The following OLA1 variants were observed in gnomAD, a reference collection of about 807,000 sequenced individuals.
The protein encoded by OLA1 is obg-like ATPase 1.
OLA1 carries 14 observed loss-of-function variants against 48.4 expected under a neutral mutation model. That is an observed-to-expected ratio of 0.29 (90% CI 0.19 to 0.45). The LOEUF (loss-of-function observed/expected upper bound fraction) is 0.45. Among genes scored for constraint, OLA1 ranks in the 20% least tolerant of loss-of-function variants. OLA1 has a pLI of 1.00. For synonymous variants in OLA1, 127 were observed against 150.4 expected, an observed-to-expected ratio of 0.84 and a Z score of 1.14; for missense variants, 325 against 467.1, an observed-to-expected ratio of 0.70 and a Z score of 2.80.
chr2:174,219,251 G>A (rs1451269653), intron 4 of OLA1, among the ~76,000 whole-genome samples: 4 of 149,396 alleles, frequency 2.7e-5, no homozygotes, highest in Non-Finnish European at 4.4e-5. Flanking sequence ...AGACCAGCCC[G>A]GATAACATAG....
chr2:174,143,633 C>T (rs769875405), intron 4 of OLA1, among the ~76,000 whole-genome samples: 1 of 152,030 alleles, frequency 6.6e-6, no homozygotes. Flanking sequence ...TTTTAAATGG[C>T]AATTCTTAAT....
chr2:174,212,548 A>G (rs954519605), intron 4 of OLA1, among the ~76,000 whole-genome samples: 4 of 152,318 alleles, frequency 2.6e-5, no homozygotes, highest in African/African-American at 9.6e-5. Flanking sequence ...TTAGCTTACC[A>G]TAACTTTTTA....
Position 174,216,141 on chromosome 2 carries a change from C to A in OLA1, c.373+6892G>T, listed in dbSNP as rs1574557412. 4.7e-5 allele frequency among the ~76,000 whole-genome samples: 7 copies of A among 149,428 alleles called. No homozygotes were observed. The South Asian group carries it at 1.3e-3, about 27-fold the overall frequency. On this transcript the variant is annotated intron_variant, in intron 4 of 10. Coordinates refer to ENST00000284719, the MANE Select transcript of OLA1 (RefSeq NM_013341.5). ...AAGACCCTGTATCTACAAAAAAAAA[C>A]ATATATATATAATTAGCTGGGTATT... is the stretch of plus-strand genomic sequence containing the variant.
At chr2:174,128,454 G>A (rs1435526661) in intron 5 of OLA1, among the ~76,000 whole-genome samples, 1 of 151,646 alleles carries the variant, frequency 6.6e-6, no homozygotes, top group Non-Finnish European at 1.5e-5. Flanking sequence ...TATAGGCTGG[G>A]CACAGTGGCT....
At chr2:174,141,538 C>G (rs188708678) in intron 5 of OLA1, among the ~76,000 whole-genome samples, 1 of 152,254 alleles carries the variant, frequency 6.6e-6, no homozygotes, top group African/African-American at 2.4e-5. Flanking sequence ...AGTTTTTCAT[C>G]ATAAACCACA....
chr2:174,124,708 T>G (rs1686007364), intron 5 of OLA1, among the ~76,000 whole-genome samples: 1 of 152,230 alleles, frequency 6.6e-6, no homozygotes, highest in South Asian at 2.1e-4. Context: ...TTCTCAAAAT[T>G]TATTGTAACA....
At chr2:174,129,457 C>CAATAAATAAATA (rs199979448) in intron 5 of OLA1, among the ~76,000 whole-genome samples, 241 of 140,716 alleles carry the variant, frequency 1.7e-3, no homozygotes, top group South Asian at 4.2e-3. Flanking sequence ...GACTCCGTCT[C>CAATAAATAAATA]AATAAATAAA....
intron 2 of OLA1, among the ~76,000 whole-genome samples, chr2:174,232,500 G>A (rs973405255): frequency 1.3e-4 from 20 of 151,998 alleles, no homozygotes; most frequent in African/African-American, 4.6e-4. Context: ...CATCGGAGAA[G>A]AAGGCCTAAA....
chr2:174,197,248 A>G (rs1201669700), intron 4 of OLA1, among the ~76,000 whole-genome samples: 1 of 152,208 alleles, frequency 6.6e-6, no homozygotes, highest in Non-Finnish European at 1.5e-5. Flanking sequence ...ACAAAACAAC[A>G]AACACCCAAG....
rs1163026376 is a variant in OLA1 at position 174,142,728 on chromosome 2, TACTG to T, written c.374-732_374-729del. 9.9e-5 allele frequency among the ~76,000 whole-genome samples: 15 copies of T among 152,218 alleles called. 1 individual carries two copies. Among genetic ancestry groups the T allele is most frequent in the Admixed American group, 6.5e-4 (10 of 15,282 alleles). ...CAACCAGATATTACTGAAGCATGTG[TACTG>T]ACTTTATGCCCTTTTGAAGACATAA... On this transcript the variant is annotated intron_variant, in intron 4 of 10. Transcript: ENST00000284719.
chr2:174,104,608 T>C (rs1685473103), intron 7 of OLA1, among the ~76,000 whole-genome samples: 1 of 152,024 alleles, frequency 6.6e-6, no homozygotes, highest in Non-Finnish European at 1.5e-5. Flanking sequence ...CTACTTAAAA[T>C]ACAATCTGTC....
chr2:174,188,752 C>G (rs992346810), intron 4 of OLA1, among the ~76,000 whole-genome samples: 1 of 151,982 alleles, frequency 6.6e-6, no homozygotes, highest in Non-Finnish European at 1.5e-5. Context: ...GTTTCATGCA[C>G]AAAATTATTA....
intron 7 of OLA1, among the ~76,000 whole-genome samples, chr2:174,094,144 A>G (rs1190238473): frequency 6.6e-6 from 1 of 152,236 alleles, no homozygotes; most frequent in Non-Finnish European, 1.5e-5. Flanking sequence ...AAGAAGACAA[A>G]AACGTCAGTA....
intron 3 of OLA1, among the ~76,000 whole-genome samples, chr2:174,225,320 G>A (rs1688591603): frequency 6.6e-6 from 1 of 152,194 alleles, no homozygotes; most frequent in Non-Finnish European, 1.5e-5. Context: ...GAAGGCCAAG[G>A]TGGGTGGATC....
intron 2 of OLA1, among the ~76,000 whole-genome samples, chr2:174,237,431 G>A (rs1184474492): frequency 6.6e-6 from 1 of 151,790 alleles, no homozygotes; most frequent in African/African-American, 2.4e-5. Flanking sequence ...TAAGTAGAAA[G>A]AGTACACTCT....
At chr2:174,150,767 G>A (rs1686726420) in intron 4 of OLA1, among the ~76,000 whole-genome samples, 2 of 152,080 alleles carry the variant, frequency 1.3e-5, no homozygotes, top group Non-Finnish European at 2.9e-5. Context: ...CAAAATAAAA[G>A]GATCTTGATC....
chr2:174,105,105 T>C (rs1685485638), intron 7 of OLA1, among the ~76,000 whole-genome samples: 1 of 151,968 alleles, frequency 6.6e-6, no homozygotes, highest in African/African-American at 2.4e-5. Context: ...TCATTATTTC[T>C]GCTAATCACT....
At chr2:174,182,456 G>A (rs12614861) in intron 4 of OLA1, among the ~76,000 whole-genome samples, 5 of 152,112 alleles carry the variant, frequency 3.3e-5, no homozygotes, top group African/African-American at 1.2e-4. Context: ...AACCCAGGAG[G>A]TGTAGGTTGT....
chr2:174,199,022 G>C (rs981527585), intron 4 of OLA1, among the ~76,000 whole-genome samples: 2 of 152,044 alleles, frequency 1.3e-5, no homozygotes, highest in Non-Finnish European at 2.9e-5. Flanking sequence ...GAATCAGTAA[G>C]GGCTATTAAT....
Sources: gnomAD v4.1 joint callset for allele counts (sites outside exome capture counted in the v4.1 genomes callset) on GRCh38, gnomAD v4.1.1 for gene constraint, MANE v1.5 for transcripts, NCBI Gene and HGNC (gene_info 2026-07-23, HGNC 2026-07-21) for gene names.